The following ARHGEF7 variants were observed in gnomAD, a reference collection of about 807,000 sequenced individuals.
ARHGEF7 encodes Rho guanine nucleotide exchange factor 7.
ARHGEF7 carries 33 observed loss-of-function variants against 109.8 expected under a neutral mutation model. The ratio of observed to expected loss-of-function variants is 0.30; its 90% confidence interval spans 0.23 to 0.40. The LOEUF is 0.40. ARHGEF7 is among the 10% of genes least tolerant of loss of function. The pLI, the probability that ARHGEF7 is intolerant of heterozygous loss-of-function variation, is 1.00. For synonymous variants in ARHGEF7, 458 were observed against 424.6 expected (o/e 1.08, Z -0.97); for missense variants, 938 against 1,098.5 (o/e 0.85, Z 2.07).
Position 111,280,331 on chromosome 13 carries a change from A to G in ARHGEF7, c.1566A>G (p.Arg522=). 1 of 1,613,588 alleles carries G rather than the reference A, an allele frequency of 6.2e-7. No homozygotes were observed. The highest frequency in any genetic ancestry group is 2.2e-5 in the East Asian group (1 of 44,856). The change falls in exon 14 of 22, where the codon AGA becomes AGG. Residue 522 remains arginine (R), a synonymous_variant. Coordinates refer to ENST00000646102, the MANE Select transcript of ARHGEF7 (RefSeq NM_001354046.2). ...ITKLEDSENH[R]NAFEISGSMI... ...AGCTTGAGGACAGTGAAAATCATAGAAATGCATTTGAAATATCAGGTGATA... is the reference window on the plus strand; with the variant it reads ...AGCTTGAGGACAGTGAAAATCATAGGAATGCATTTGAAATATCAGGTGATA...
chr13:111,293,276 T>C (rs547739300), intron 19 of ARHGEF7: 65 of 985,252 alleles, frequency 6.6e-5, no homozygotes, highest in Middle Eastern at 1.0e-3. Context: ...TCCATACTTA[T>C]GTTGTCTGGA....
intron 2 of ARHGEF7, among the ~76,000 whole-genome samples, chr13:111,178,743 G>A (rs1340335195): frequency 6.6e-6 from 1 of 152,208 alleles, no homozygotes; most frequent in African/African-American, 2.4e-5. Context: ...TAACTGTCTC[G>A]TTGTAGAATG....
At chr13:111,180,612 T>C (rs1476406995) in intron 2 of ARHGEF7, among the ~76,000 whole-genome samples, 1 of 152,142 alleles carries the variant, frequency 6.6e-6, no homozygotes, top group Non-Finnish European at 1.5e-5. Flanking sequence ...GAAGCTGAGA[T>C]GTAGAGAGGT....
At chr13:111,280,203 T>C (rs1337393338) in intron 13 of ARHGEF7, 69 bp from the exon 14 acceptor site, 2 of 1,467,274 alleles carry the variant, frequency 1.4e-6, no homozygotes, top group African/African-American at 2.9e-5. Flanking sequence ...AATATTGACT[T>C]TAATAATGGT....
intron 19 of ARHGEF7, among the ~76,000 whole-genome samples, chr13:111,300,244 AAAT>A (rs1341894746): frequency 5.3e-5 from 8 of 152,254 alleles, no homozygotes; most frequent in Non-Finnish European, 8.8e-5. Context: ...ATAAAGGACC[AAAT>A]AATGTTATTT....
intron 19 of ARHGEF7, among the ~76,000 whole-genome samples, chr13:111,296,572 C>T (rs371069089): frequency 5.1e-4 from 77 of 152,206 alleles, no homozygotes; most frequent in Middle Eastern, 3.4e-3. Flanking sequence ...CACCTCCATA[C>T]GGAAATAAGA....
intron 8 of ARHGEF7, among the ~76,000 whole-genome samples, chr13:111,249,279 C>T (rs2089401821): frequency 6.6e-6 from 1 of 152,038 alleles, no homozygotes; most frequent in African/African-American, 2.4e-5. Context: ...TCCAAATGTC[C>T]ATCCTTCCCC....
chr13:111,121,805 G>T (rs1036685469), intron 1 of ARHGEF7, among the ~76,000 whole-genome samples: 10 of 152,092 alleles, frequency 6.6e-5, no homozygotes, highest in East Asian at 3.8e-4. Context: ...TGTGACTTCC[G>T]GCACCTGTCT....
intron 1 of ARHGEF7, among the ~76,000 whole-genome samples, chr13:111,151,362 G>T (rs147852796): frequency 2.6e-5 from 4 of 152,214 alleles, no homozygotes; most frequent in Non-Finnish European, 4.4e-5. Flanking sequence ...CTTTTGAAAC[G>T]TGCCAGCCAG....
rs1373359009 is a variant in ARHGEF7 at position 111,130,608 on chromosome 13, C to T, written c.165+14917C>T. Among the ~76,000 whole-genome samples the T allele has an allele frequency of 3.3e-5, 5 of 152,172 alleles. 1 individual carries two copies. Among genetic ancestry groups the T allele is most frequent in the African/African-American group, 1.2e-4 (5 of 41,422 alleles). ...TCTTTACTATGTTCCAAGGATAGTG[C>T]TAGGAACTGGAGATTTCGCAGAAAT... On this transcript the variant is annotated intron_variant, in intron 1 of 21. Transcript: ENST00000646102.
intron 2 of ARHGEF7, among the ~76,000 whole-genome samples, chr13:111,194,488 G>A (rs2080268498): frequency 6.6e-6 from 1 of 152,180 alleles, no homozygotes; most frequent in Admixed American, 6.5e-5. Context: ...GCCAGTATAG[G>A]CCGTACTCAT....
intron 1 of ARHGEF7, among the ~76,000 whole-genome samples, chr13:111,136,658 G>A (rs942940373): frequency 8.5e-5 from 13 of 152,286 alleles, no homozygotes; most frequent in African/African-American, 2.9e-4. Flanking sequence ...ATCTAAAACT[G>A]ACACCCTAAC....
chr13:111,205,500 G>A (rs1405032729), intron 3 of ARHGEF7, 127 bp downstream of exon 3: 5 of 591,362 alleles, frequency 8.5e-6, no homozygotes, highest in South Asian at 2.6e-5. Flanking sequence ...GTTGCATTAC[G>A]TTTTGATTGT....
At chr13:111,257,204 A>G (rs1275416421) in intron 8 of ARHGEF7, among the ~76,000 whole-genome samples, 1 of 152,178 alleles carries the variant, frequency 6.6e-6, no homozygotes, top group Non-Finnish European at 1.5e-5. Flanking sequence ...TTATCTTCTT[A>G]CTAAAATCCT....
chr13:111,188,021 C>A (rs2079450969), intron 2 of ARHGEF7, among the ~76,000 whole-genome samples: 1 of 152,232 alleles, frequency 6.6e-6, no homozygotes, highest in Admixed American at 6.5e-5. Flanking sequence ...TGACTCATTT[C>A]TTATGAACCG....
rs574607808 is a variant in ARHGEF7 at position 111,200,025 on chromosome 13, T to A, written c.253-5264T>A. Among the ~76,000 whole-genome samples the A allele has an allele frequency of 9.8e-5, 15 of 152,348 alleles. No homozygotes were observed. The South Asian group carries it at 3.1e-3, about 32-fold the overall frequency. ...TCTGTGAAGCCCTTTCTGACTCATG[T>A]TACGGGTACTTGCTTTCTGCCGCCG... On this transcript the variant is annotated intron_variant, in intron 2 of 21. Coordinates refer to ENST00000646102, the MANE Select transcript of ARHGEF7 (RefSeq NM_001354046.2).
intron 21 of ARHGEF7, among the ~76,000 whole-genome samples, chr13:111,302,454 G>A (rs765759258): frequency 9.9e-5 from 15 of 152,198 alleles, no homozygotes; most frequent in Admixed American, 2.6e-4. Flanking sequence ...AGCAGTGTCC[G>A]CAGGTCTTCC....
chr13:111,218,383 G>A (rs2153490645), intron 5 of ARHGEF7, among the ~76,000 whole-genome samples: 1 of 152,188 alleles, frequency 6.6e-6, no homozygotes. Flanking sequence ...CCGATTTTGA[G>A]GCTTGTGTTC....
In ARHGEF7 at chr13:111,243,833, T is replaced by C. The variant is rs114245734; in HGVS notation, c.760-39T>C. ...TATAAATCTTAGTGTCAAATAGCAATTGAAATGTCAAATAACACTTATTCA... is the reference window on the plus strand; with the variant it reads ...TATAAATCTTAGTGTCAAATAGCAACTGAAATGTCAAATAACACTTATTCA... On this transcript the variant is annotated intron_variant, in intron 6 of 21. Transcript: ENST00000646102. The C allele has an allele frequency of 2.7e-4, 369 of 1,364,836 alleles. No homozygotes were observed. The African/African-American group carries it at 4.4e-3, about 16-fold the overall frequency. The allele number at this position is 1,364,836 out of a possible 1,614,324, so 84.5% of individuals were successfully genotyped here. A position where few individuals can be genotyped will look rare whatever the true frequency, so the allele number is the denominator to read the frequency against.
Sources: gnomAD v4.1 joint callset for allele counts (sites outside exome capture counted in the v4.1 genomes callset) on GRCh38, gnomAD v4.1.1 for gene constraint, MANE v1.5 for transcripts, NCBI Gene and HGNC (gene_info 2026-07-23, HGNC 2026-07-21) for gene names.